Variants in CUX2 observed in about 807,000 individuals in gnomAD.
CUX2 encodes the protein cut like homeobox 2.
CUX2 carries 40 observed loss-of-function variants against 144.8 expected under a neutral mutation model. The ratio of observed to expected loss-of-function variants is 0.28; its 90% confidence interval spans 0.21 to 0.36. The LOEUF (loss-of-function observed/expected upper bound fraction) is 0.36, where lower values mean the gene tolerates loss of function less well. Among genes scored for constraint, CUX2 ranks in the 10% least tolerant of loss-of-function variants. The probability of loss-of-function intolerance (pLI) is 1.00; values close to 1 mark genes in which losing one functional copy is unlikely to be tolerated. For missense variants in CUX2, 1,615 were observed against 1,994.0 expected, an observed-to-expected ratio of 0.81 and a Z score of 3.62; for synonymous variants, 827 against 875.6, an observed-to-expected ratio of 0.94 and a Z score of 0.98.
intron 9 of CUX2, among the ~76,000 whole-genome samples, chr12:111,303,636 C>G (rs76338684): frequency 8.8e-6 from 1 of 113,310 alleles, no homozygotes; most frequent in Non-Finnish European, 1.9e-5. Flanking sequence ...GACTCCATCT[C>G]AAAAAAAAAA....
At chr12:111,139,030 C>T (rs1876118589) in intron 1 of CUX2, among the ~76,000 whole-genome samples, 1 of 151,692 alleles carries the variant, frequency 6.6e-6, no homozygotes. Context: ...ATCTCAGCCC[C>T]CAGAGAACCC....
intron 1 of CUX2, among the ~76,000 whole-genome samples, chr12:111,200,878 A>G (rs1430699308): frequency 6.6e-6 from 1 of 152,164 alleles, no homozygotes; most frequent in African/African-American, 2.4e-5. Context: ...GGGCATTTAT[A>G]TTAGCAGTGA....
intron 1 of CUX2, among the ~76,000 whole-genome samples, chr12:111,168,395 T>C (rs558299094): frequency 1.3e-5 from 2 of 152,310 alleles, no homozygotes; most frequent in African/African-American, 4.8e-5. Context: ...CTCAGAAGTT[T>C]TGGAGAATAG....
chr12:111,298,488 GGGCCT>G, intron 8 of CUX2, 48 bp from the exon 9 acceptor site: 1 of 1,539,904 alleles, frequency 6.5e-7, no homozygotes, highest in Non-Finnish European at 8.8e-7. Context: ...GGAGGGGCGG[GGGCCT>G]GGAGCCCGCC....
At position 111,334,456 on chromosome 12, in the gene CUX2, C is replaced by G. The variant is rs748599233; in HGVS notation, c.2942C>G (p.Pro981Arg). The G allele has an allele frequency of 2.5e-6, 4 of 1,602,476 alleles. No homozygotes were observed. Among genetic ancestry groups the G allele is most frequent in the South Asian group, 2.2e-5 (2 of 89,702 alleles). The change falls in exon 19 of 22, where the codon CCA becomes CGA. Residue 981 changes from proline (P) to arginine (R), a missense_variant. By Grantham distance (103) the Pro-to-Arg change is moderately radical. This residue lies in a region of CUX2 where 128 missense variants were observed against 124.4 expected (regional missense o/e 1.03). Transcript: ENST00000261726. ...PGASQASPTE[P>R]RSSPSPPPSP... is the part of the protein sequence containing the mutation. Reference sequence around the variant, plus strand: ...TGGCCCACAGCCAGTCCCACAGAACCAAGGTCCTCACCATCCCCACCCCCC... The same window carrying G: ...TGGCCCACAGCCAGTCCCACAGAACGAAGGTCCTCACCATCCCCACCCCCC...
chr12:111,318,192 G>T (rs921056766), intron 16 of CUX2, among the ~76,000 whole-genome samples: 16 of 150,276 alleles, frequency 1.1e-4, no homozygotes, highest in South Asian at 6.4e-4. Flanking sequence ...TCCTGCCTCA[G>T]CTGGGACCGT....
At chr12:111,219,996 T>G (rs1024320931) in intron 3 of CUX2, among the ~76,000 whole-genome samples, 1 of 151,842 alleles carries the variant, frequency 6.6e-6, no homozygotes, top group African/African-American at 2.4e-5. Flanking sequence ...ATACAAAAAT[T>G]AGCCAGGTGT....
Position 111,310,132 on chromosome 12 carries a change from G to T in CUX2, c.1350G>T (p.Gly450=). The T allele has an allele frequency of 6.6e-7, 1 of 1,517,286 alleles. No homozygotes were observed. 94.0% of individuals were successfully genotyped at this position (1,517,286 alleles called of 1,614,324 possible). The change falls in exon 15 of 22, where the codon GGG becomes GGT. Residue 450 remains glycine (G), a synonymous_variant. Transcript: ENST00000261726. This position sits in a 1 kb window ranked among gnomAD's most constrained non-coding sequence, Gnocchi z 7.9. ...PSPQQLPPPP[G]PEDPLSPSPG... Reference sequence around the variant, plus strand: ...CTCAGCAGCTCCCACCTCCACCAGGGCCAGAAGACCCCCTGTCTCCCAGCC... The same window carrying T: ...CTCAGCAGCTCCCACCTCCACCAGGTCCAGAAGACCCCCTGTCTCCCAGCC...
At chr12:111,290,007 C>T (rs1233713025) in intron 4 of CUX2, among the ~76,000 whole-genome samples, 1 of 152,200 alleles carries the variant, frequency 6.6e-6, no homozygotes, top group African/African-American at 2.4e-5. Context: ...CCGCTTCACA[C>T]AGGCATGGTT....
Position 111,059,496 on chromosome 12 carries a change from C to T in CUX2, c.63+25256C>T, listed in dbSNP as rs78603264. ...TGGACCATTTTGTTTTCTATGAGGG[C>T]CCCATTGATGCCTCAGTTTCCCTCA... On this transcript the variant is annotated intron_variant, in intron 1 of 21. Transcript: ENST00000261726. This position sits in a 1 kb window ranked among gnomAD's most constrained non-coding sequence, Gnocchi z 5.3. 0.012 allele frequency among the ~76,000 whole-genome samples: 1,805 copies of T among 152,246 alleles called. 35 individuals carry two copies. Among genetic ancestry groups the T allele is most frequent in the African/African-American group, 0.042 (1,734 of 41,542 alleles).
chr12:111,156,172 G>A (rs1221341325), intron 1 of CUX2, among the ~76,000 whole-genome samples: 2 of 152,134 alleles, frequency 1.3e-5, no homozygotes, highest in Non-Finnish European at 2.9e-5. Context: ...CTGTGATTGA[G>A]ATGTAATTAA....
chr12:111,148,656 C>T (rs1407330278), intron 1 of CUX2, among the ~76,000 whole-genome samples: 1 of 152,182 alleles, frequency 6.6e-6, no homozygotes, highest in African/African-American at 2.4e-5. Flanking sequence ...CACAAAGTAT[C>T]TCCTGTAATT....
At chr12:111,318,096 T>C (rs550467497) in intron 16 of CUX2, among the ~76,000 whole-genome samples, 3 of 152,028 alleles carry the variant, frequency 2.0e-5, no homozygotes, top group East Asian at 3.9e-4. Context: ...TTTTTTGAGA[T>C]AGGCTCTCAC....
intron 3 of CUX2, among the ~76,000 whole-genome samples, chr12:111,257,366 T>C (rs1268501): frequency 5.2e-5 from 2 of 38,220 alleles, no homozygotes; most frequent in Non-Finnish European, 1.0e-4. Context: ...TTCCTCCTCC[T>C]CCTCCCACTT....
In CUX2 at chr12:111,310,587, C is replaced by T. The variant is rs1220256561; in HGVS notation, c.1805C>T (p.Thr602Met). The T allele has an allele frequency of 6.2e-7, 1 of 1,613,684 alleles. No homozygotes were observed. The highest frequency in any genetic ancestry group is 2.2e-5 in the East Asian group (1 of 44,878). The change falls in exon 15 of 22, where the codon ACG (threonine) becomes ATG (methionine). Residue 602 changes from threonine (T) to methionine (M), a missense_variant. Transcript: ENST00000261726. The surrounding 1 kb of genome is among the most constrained non-coding windows in gnomAD (Gnocchi z 7.9). ...CGGCCCAAGCCCTGGCGCAAGCTCA[C>T]GGTGAAGGGCAAGGAGCCCTTCATC... ...LARPKPWRKL[T>M]VKGKEPFIKM...
rs1886971664 is a variant in CUX2, at chr12:111,312,772, C to T, written c.2002+571C>T. ...CTACAGTCTTCAGGCCCCTCCATGC[C>T]TGTCACATGAACTGTTCATAGTCAT... is the stretch of plus-strand genomic sequence containing the variant. On this transcript the variant is annotated intron_variant, in intron 16 of 21. Coordinates refer to ENST00000261726, the MANE Select transcript of CUX2 (RefSeq NM_015267.4). The surrounding 1 kb of genome is among the most constrained non-coding windows in gnomAD (Gnocchi z 4.3). Among the ~76,000 whole-genome samples the T allele has an allele frequency of 2.6e-5, 4 of 152,160 alleles. No homozygotes were observed. Among genetic ancestry groups the T allele is most frequent in the Non-Finnish European group, 5.9e-5 (4 of 68,018 alleles).
At chr12:111,236,017 T>C (rs1370113918) in intron 3 of CUX2, among the ~76,000 whole-genome samples, 1 of 152,154 alleles carries the variant, frequency 6.6e-6, no homozygotes, top group African/African-American at 2.4e-5. Flanking sequence ...CAGGTCTGCC[T>C]CTCGTCAGCC....
chr12:111,147,750 C>A (rs918055123), intron 1 of CUX2, among the ~76,000 whole-genome samples: 2 of 152,158 alleles, frequency 1.3e-5, no homozygotes, highest in South Asian at 2.1e-4. Context: ...AGGGAGGTGG[C>A]CTGGAGCAGA....
intron 1 of CUX2, among the ~76,000 whole-genome samples, chr12:111,101,729 A>G (rs975898321): frequency 2.0e-5 from 3 of 152,314 alleles, no homozygotes; most frequent in Non-Finnish European, 4.4e-5. Flanking sequence ...AATGAGAGTC[A>G]TAACAGAGCC....
Sources: allele counts gnomAD v4.1 joint callset (sites outside exome capture counted in the v4.1 genomes callset), GRCh38; gene constraint gnomAD v4.1.1; regional missense constraint gnomAD v4.1.1; non-coding constraint Gnocchi (gnomAD v3.1); transcripts MANE v1.5; gene names NCBI Gene and HGNC (gene_info 2026-07-23, HGNC 2026-07-21).